MYH8: variants seen among roughly 807,000 people sequenced by gnomAD.
MYH8 encodes the protein myosin heavy chain 8.
In MYH8, 168 loss-of-function variants were observed where a neutral mutation model predicts 233.2. That is an observed-to-expected ratio of 0.72 (90% confidence interval 0.64 to 0.82). The LOEUF is 0.82. Ranked by LOEUF, MYH8 falls within the 40% of genes least tolerant of loss-of-function variation. The pLI, the probability that MYH8 is intolerant of heterozygous loss-of-function variation, is 0.00. For synonymous variants in MYH8, 785 were observed against 850.6 expected, an observed-to-expected ratio of 0.92 and a Z score of 1.34; for missense variants, 1,995 against 2,327.8, an observed-to-expected ratio of 0.86 and a Z score of 2.94.
In MYH8 at chr17:10,400,063, C is replaced by T. The variant is rs1203456916; in HGVS notation, c.3735+327G>A. ...CTAAAAATACAAAAAATTAGCTAGG[C>T]GTGCTGGCGGGCGCCTGTAGTCCCA... On this transcript the variant is annotated intron_variant, in intron 27 of 39. Coordinates refer to ENST00000403437, the MANE Select transcript of MYH8 (RefSeq NM_002472.3). This position sits in a 1 kb window ranked among gnomAD's most constrained non-coding sequence, Gnocchi z 4.0. 6.6e-6 allele frequency among the ~76,000 whole-genome samples: 1 copy of T among 152,044 alleles called. No individual in the cohort carries two copies. The highest frequency in any genetic ancestry group is 1.5e-5 in the Non-Finnish European group (1 of 68,012).
chr17:10,411,265 A>G (rs973528260), intron 14 of MYH8, among the ~76,000 whole-genome samples: 9 of 151,618 alleles, frequency 5.9e-5, no homozygotes, highest in South Asian at 2.1e-4. Flanking sequence ...AGTCCCAGCT[A>G]CTCGGAAGGC....
chr17:10,409,045 A>G, intron 17 of MYH8, 52 bp downstream of exon 17: 1 of 1,540,214 alleles, frequency 6.5e-7, no homozygotes, highest in Non-Finnish European at 9.0e-7. Context: ...ATCCTTAATT[A>G]TGATAATTCA....
intron 12 of MYH8, among the ~76,000 whole-genome samples, chr17:10,413,573 G>A (rs558291491): frequency 1.1e-4 from 17 of 152,284 alleles, no homozygotes; most frequent in Admixed American, 5.2e-4. Flanking sequence ...CCTATCTAGT[G>A]CTGAAATAGA....
At position 10,396,862 on chromosome 17, in the gene MYH8, C is replaced by T. The variant is rs141278410; in HGVS notation, c.4303G>A (p.Val1435Met). 1.2e-6 allele frequency: 2 copies of T among 1,614,238 alleles called. No individual in the cohort carries two copies. Among genetic ancestry groups the T allele is most frequent in the Non-Finnish European group, 1.7e-6 (2 of 1,180,046 alleles). The change falls in exon 31 of 40, where the codon GTG (valine) becomes ATG (methionine). Residue 1435 changes from valine (V) to methionine (M), a missense_variant. This residue lies in a region of MYH8 where 1,498 missense variants were observed against 1,680.9 expected (regional missense o/e 0.89). Coordinates refer to ENST00000403437, the MANE Select transcript of MYH8 (RefSeq NM_002472.3). This position sits in a 1 kb window ranked among gnomAD's most constrained non-coding sequence, Gnocchi z 4.2. ...QNEVEDLMLD[V>M]ERSNAACAAL... ...GCACAGGCTGCATTAGACCTTTCCACATCAAGCATGAGGTCTTCAACTTCA... is the reference window on the plus strand; with the variant it reads ...GCACAGGCTGCATTAGACCTTTCCATATCAAGCATGAGGTCTTCAACTTCA...
At position 10,415,190 on chromosome 17, in the gene MYH8, A is replaced by G. The variant is rs1161952139; in HGVS notation, c.742-11T>C. ...TCTAATGAATTTACCCTTGAAAAGAATATTTAGTATTAGAAAACTGAAACA... is the reference window on the plus strand; with the variant it reads ...TCTAATGAATTTACCCTTGAAAAGAGTATTTAGTATTAGAAAACTGAAACA... On this transcript the variant is annotated splice_polypyrimidine_tract_variant and intron_variant, in intron 8 of 39. Coordinates refer to ENST00000403437, the MANE Select transcript of MYH8 (RefSeq NM_002472.3). This position sits in a 1 kb window ranked among gnomAD's most constrained non-coding sequence, Gnocchi z 4.1. 6.2e-7 allele frequency: 1 copy of G among 1,611,034 alleles called. No individual in the cohort carries two copies. The highest frequency in any genetic ancestry group is 1.7e-5 in the Admixed American group (1 of 60,024).
rs181695343 is a variant in MYH8 at position 10,395,357 on chromosome 17, C to A, written c.4738G>T (p.Ala1580Ser). ...QVKSEVDRKIAEKDEEIDQLK... is the reference protein window; with the variant it reads ...QVKSEVDRKISEKDEEIDQLK... ...TGGTCAATTTCCTCATCCTTTTCTGCGATTTTTCTATCAACTTCAGACTTG... is the reference window on the plus strand; with the variant it reads ...TGGTCAATTTCCTCATCCTTTTCTGAGATTTTTCTATCAACTTCAGACTTG... The change falls in exon 34 of 40, where the codon GCA becomes TCA. Residue 1580 changes from alanine (A) to serine (S), a missense_variant. Ala to Ser is a moderately conservative substitution (Grantham distance 99, BLOSUM62 1). Transcript: ENST00000403437. 7 of 1,614,098 alleles carry A rather than the reference C, an allele frequency of 4.3e-6. No homozygotes were observed. Among genetic ancestry groups the A allele is most frequent in the African/African-American group, 1.3e-5 (1 of 75,038 alleles).
intron 17 of MYH8, among the ~76,000 whole-genome samples, chr17:10,407,853 T>TA (rs1555557035): frequency 6.6e-6 from 1 of 150,512 alleles, no homozygotes; most frequent in Non-Finnish European, 1.5e-5. Flanking sequence ...AAAAAATAAA[T>TA]AAATAAAATA....
At chr17:10,398,664 C>T in intron 29 of MYH8, 24 bp from the exon 30 acceptor site, 1 of 1,614,156 alleles carries the variant, frequency 6.2e-7, no homozygotes, top group African/African-American at 1.3e-5. Flanking sequence ...AGTTCAGTGA[C>T]ATAAATTCAT....
At position 10,396,738 on chromosome 17, in the gene MYH8, G is replaced by A. The variant is rs2072082356; in HGVS notation, c.4363-20C>T. The A allele has an allele frequency of 1.9e-6, 3 of 1,614,166 alleles. No homozygotes were observed. Among genetic ancestry groups the A allele is most frequent in the Non-Finnish European group, 2.5e-6 (3 of 1,180,022 alleles). ...TAGGACCTGAAAAGCAATAAATCAT[G>A]AGTTGATCCAAGGAGAAAGGAAGAC... is the stretch of plus-strand genomic sequence containing the variant. On this transcript the variant is annotated intron_variant, in intron 31 of 39. Transcript: ENST00000403437. The surrounding 1 kb of genome is among the most constrained non-coding windows in gnomAD (Gnocchi z 4.2).
rs1411416893 is a variant in MYH8, at chr17:10,392,972, C to T, written c.5322G>A (p.Lys1774=). 1 of 1,614,218 alleles carries T rather than the reference C, an allele frequency of 6.2e-7. No individual in the cohort carries two copies. Among genetic ancestry groups the T allele is most frequent in the South Asian group, 1.1e-5 (1 of 91,082 alleles). The change falls in exon 37 of 40, where the codon AAG becomes AAA. Residue 1774 remains lysine, a synonymous_variant. Coordinates refer to ENST00000403437, the MANE Select transcript of MYH8 (RefSeq NM_002472.3). The part of the protein sequence containing the change: ...DAAMMAEELK[K]EQDTSAHLER... ...CCAGGTGGGCGCTGGTGTCCTGTTC[C>T]TTCTTCAGCTCCTCAGCCATCATGG...
At chr17:10,412,855 A>C in intron 12 of MYH8, 127 bp from the exon 13 acceptor site, 1 of 958,654 alleles carries the variant, frequency 1.0e-6, no homozygotes, top group Non-Finnish European at 1.7e-6. Context: ...AAAAGGCCAA[A>C]TGAGGTTTTC....
intron 17 of MYH8, 72 bp from the exon 18 acceptor site, chr17:10,407,051 G>T (rs2072201368): frequency 2.6e-6 from 3 of 1,155,102 alleles, no homozygotes; most frequent in South Asian, 1.3e-5. Context: ...TATATGGAAT[G>T]AACCTAGACA....
At position 10,409,444 on chromosome 17, in the gene MYH8, C is replaced by T. The variant is rs758179709; in HGVS notation, c.1732G>A (p.Ala578Thr). 2.5e-6 allele frequency: 4 copies of T among 1,614,084 alleles called. No homozygotes were observed. The African/African-American group carries it at 5.3e-5, about 22-fold the overall frequency. ...KPKVVKGKAE[A>T]HFSLIHYAGT... ...GCATAGTGAATCAGAGAGAAGTGGG[C>T]CTCAGCCTTGCCTTTGACCACCTTG... Residue 578 changes from alanine to threonine, a missense_variant, in exon 16 of 40, where the codon GCC (alanine) becomes ACC (threonine). Physicochemically the swap from Ala to Thr is moderately conservative, Grantham distance 58. Around this residue, in one of 3 missense-constraint regions of MYH8, gnomAD observed 1,498 missense variants for 1,680.9 expected, o/e 0.89. Transcript: ENST00000403437.
Position 10,400,302 on chromosome 17 carries a change from G to A in MYH8, c.3735+88C>T, listed in dbSNP as rs2142174365. 6.6e-7 allele frequency: 1 copy of A among 1,519,364 alleles called. No individual in the cohort carries two copies. Among genetic ancestry groups the A allele is most frequent in the Non-Finnish European group, 9.0e-7 (1 of 1,105,412 alleles). The allele number at this position is 1,519,364 out of a possible 1,614,324, so 94.1% of individuals were successfully genotyped here. On this transcript the variant is annotated intron_variant, in intron 27 of 39. Coordinates refer to ENST00000403437, the MANE Select transcript of MYH8 (RefSeq NM_002472.3). This position sits in a 1 kb window ranked among gnomAD's most constrained non-coding sequence, Gnocchi z 4.0. ...GGTTAGAAAATATTTGAGTAGTGCT[G>A]TAAAATGCCTGCAAACAATGTTTAG...
chr17:10,400,377 C>G lies in MYH8; in HGVS notation c.3735+13G>C. The G allele has an allele frequency of 6.2e-7, 1 of 1,611,090 alleles. No individual in the cohort carries two copies. The stretch of plus-strand genomic sequence containing the variant: ...ACAGATGATTACCTTCATTTAGAGA[C>G]AGTATTGGGTACCTTGGCTTTGGAA... On this transcript the variant is annotated intron_variant, in intron 27 of 39. Transcript: ENST00000403437. The surrounding 1 kb of genome is among the most constrained non-coding windows in gnomAD (Gnocchi z 4.0).
In MYH8 at chr17:10,396,845, T is replaced by G. The variant is rs1430480130; in HGVS notation, c.4320A>C (p.Ala1440=). The G allele has an allele frequency of 3.7e-6, 6 of 1,614,126 alleles. No homozygotes were observed. The African/African-American group carries it at 8.0e-5, about 22-fold the overall frequency. The stretch of plus-strand genomic sequence containing the variant: ...GCTTCTTATCAAGGGCTGCACAGGC[T>G]GCATTAGACCTTTCCACATCAAGCA... ...DLMLDVERSN[A]ACAALDKKQR... is the part of the protein sequence containing the mutation. The change falls in exon 31 of 40, where the codon GCA becomes GCC. Residue 1440 remains alanine, a synonymous_variant. Transcript: ENST00000403437. This position sits in a 1 kb window ranked among gnomAD's most constrained non-coding sequence, Gnocchi z 4.2.
intron 15 of MYH8, 151 bp from the exon 16 acceptor site, chr17:10,409,739 A>C (rs1490454903): frequency 9.5e-7 from 1 of 1,048,266 alleles, no homozygotes; most frequent in African/African-American, 1.6e-5. Flanking sequence ...CCTTGTTATC[A>C]CTAGAATGAC....
rs755648013 is a variant in MYH8 at position 10,398,443 on chromosome 17, C to T, written c.4178+1G>A. The T allele has an allele frequency of 3.1e-6, 5 of 1,614,002 alleles. No individual in the cohort carries two copies. The highest frequency in any genetic ancestry group is 1.7e-5 in the Admixed American group (1 of 60,020). ...CCTCTTCTAGAGTTCACAGCACATA[C>T]TTGGCCTCCTCCAGCTCCTCTGTGC... On this transcript the variant is annotated splice_donor_variant, in intron 30 of 39. Coordinates refer to ENST00000403437, the MANE Select transcript of MYH8 (RefSeq NM_002472.3). LOFTEE classifies it high-confidence loss of function.
chr17:10,396,366 C>A lies in MYH8; in HGVS notation c.4617G>T (p.Glu1539Asp). The change falls in exon 33 of 40, where the codon GAG becomes GAT. Residue 1539 changes from glutamate (E) to aspartate (D), a missense_variant. Physicochemically the swap from Glu to Asp is conservative, Grantham distance 45 (BLOSUM62 2). Coordinates refer to ENST00000403437, the MANE Select transcript of MYH8 (RefSeq NM_002472.3). This position sits in a 1 kb window ranked among gnomAD's most constrained non-coding sequence, Gnocchi z 4.2. ...LEKIKKQVEQ[E>D]KCEIQAALEE... ...CTAAAGCAGCCTGAATTTCACATTT[C>A]TCTTGTTCTACTTGCTTCTTTATTT... The A allele has an allele frequency of 6.2e-7, 1 of 1,614,026 alleles. No individual in the cohort carries two copies. Among genetic ancestry groups the A allele is most frequent in the Non-Finnish European group, 8.5e-7 (1 of 1,179,998 alleles).
Sources: allele counts gnomAD v4.1 joint callset (sites outside exome capture counted in the v4.1 genomes callset), GRCh38; gene constraint gnomAD v4.1.1; regional missense constraint gnomAD v4.1.1; non-coding constraint Gnocchi (gnomAD v3.1); transcripts MANE v1.5; gene names NCBI Gene and HGNC (gene_info 2026-07-23, HGNC 2026-07-21).